Variants in VEPH1 observed in about 807,000 individuals in gnomAD.
VEPH1 encodes ventricular zone expressed PH domain containing 1.
VEPH1 carries 80 observed loss-of-function variants against 85.2 expected under a neutral mutation model. The ratio of observed to expected loss-of-function variants is 0.94; its 90% CI spans 0.78 to 1.13. The LOEUF is 1.13. Ranked by LOEUF, VEPH1 falls within the 50% of genes most tolerant of loss-of-function variation. The probability of loss-of-function intolerance (pLI) is 0.00; values close to 1 mark genes in which losing one functional copy is unlikely to be tolerated. For missense variants in VEPH1, 955 were observed against 980.5 expected (o/e 0.97, Z 0.35); for synonymous variants, 297 against 348.0 (o/e 0.85, Z 1.63).
chr3:157,358,633 G>A (rs900462243), intron 9 of VEPH1, among the ~76,000 whole-genome samples: 1 of 152,110 alleles, frequency 6.6e-6, no homozygotes, highest in Admixed American at 6.5e-5. Flanking sequence ...ACACTGAGGT[G>A]GACTTGACTA....
At chr3:157,460,438 T>C (rs71312209) in intron 3 of VEPH1, 83 bp from the exon 4 acceptor site, 88,698 of 1,476,480 alleles carry the variant, frequency 0.06, 3,112 homozygotes, top group Middle Eastern at 0.098. Flanking sequence ...AAAATATTTA[T>C]TGGATTAAGC....
At chr3:157,424,656 G>C (rs559955815) in intron 5 of VEPH1, among the ~76,000 whole-genome samples, 1 of 152,294 alleles carries the variant, frequency 6.6e-6, no homozygotes, top group African/African-American at 2.4e-5. Context: ...TTTTAGCAAA[G>C]AGACTGGTAG....
intron 12 of VEPH1, among the ~76,000 whole-genome samples, chr3:157,268,681 C>T (rs1350943315): frequency 6.6e-6 from 1 of 152,138 alleles, no homozygotes; most frequent in African/African-American, 2.4e-5. Context: ...AGGTAAATAG[C>T]AAAGCACAAG....
intron 11 of VEPH1, among the ~76,000 whole-genome samples, chr3:157,289,445 A>T (rs1295148376): frequency 1.3e-5 from 2 of 152,246 alleles, no homozygotes; most frequent in African/African-American, 2.4e-5. Context: ...GTGCTAAAGG[A>T]TATCCACGGT....
intron 2 of VEPH1, among the ~76,000 whole-genome samples, chr3:157,484,438 A>G (rs1019850723): frequency 2.0e-5 from 3 of 152,144 alleles, no homozygotes; most frequent in Non-Finnish European, 4.4e-5. Flanking sequence ...AGTAACTGGG[A>G]CTACAGGGAC....
chr3:157,289,950 T>C (rs1045239609), intron 11 of VEPH1, among the ~76,000 whole-genome samples: 1 of 152,138 alleles, frequency 6.6e-6, no homozygotes, highest in Non-Finnish European at 1.5e-5. Flanking sequence ...TCCCATTCCC[T>C]GTGTATGGGA....
At chr3:157,460,758 A>C (rs1013875566) in intron 3 of VEPH1, among the ~76,000 whole-genome samples, 1 of 152,208 alleles carries the variant, frequency 6.6e-6, no homozygotes, top group Non-Finnish European at 1.5e-5. Flanking sequence ...AAGAGTAGGT[A>C]TGCAGAGACT....
chr3:157,381,716 C>T (rs887687706), intron 6 of VEPH1: 9 of 204,466 alleles, frequency 4.4e-5, no homozygotes, highest in Non-Finnish European at 6.9e-5. Flanking sequence ...GAGACTCGGT[C>T]TCAGAAAAAA....
At chr3:157,291,962 T>C (rs936058764) in intron 11 of VEPH1, among the ~76,000 whole-genome samples, 18 of 152,248 alleles carry the variant, frequency 1.2e-4, no homozygotes, top group Non-Finnish European at 4.4e-5. Flanking sequence ...TATCTCTATA[T>C]ATCTGCATAT....
chr3:157,263,037 G>T (rs561385326), intron 13 of VEPH1, among the ~76,000 whole-genome samples: 117 of 152,316 alleles, frequency 7.7e-4, no homozygotes, highest in Non-Finnish European at 1.4e-3. Context: ...TAGCTAGTTT[G>T]TGGAGATCAA....
At chr3:157,405,971 A>G (rs1236091544) in intron 6 of VEPH1, among the ~76,000 whole-genome samples, 6 of 152,124 alleles carry the variant, frequency 3.9e-5, no homozygotes, top group Non-Finnish European at 8.8e-5. Flanking sequence ...ATGCAACATC[A>G]ATACTCTTAT....
At chr3:157,494,379 G>A (rs1352983187) in intron 2 of VEPH1, among the ~76,000 whole-genome samples, 1 of 152,206 alleles carries the variant, frequency 6.6e-6, no homozygotes, top group African/African-American at 2.4e-5. Flanking sequence ...GGATGTGGGT[G>A]GATGCCTGGT....
intron 12 of VEPH1, among the ~76,000 whole-genome samples, chr3:157,277,624 G>A (rs1715560061): frequency 6.6e-6 from 1 of 152,286 alleles, no homozygotes; most frequent in East Asian, 1.9e-4. Flanking sequence ...TATAATGTCT[G>A]CACTGGAAGC....
At chr3:157,261,456 C>A in intron 13 of VEPH1, 86 bp from the exon 14 acceptor site, 1 of 1,541,658 alleles carries the variant, frequency 6.5e-7, no homozygotes, top group Non-Finnish European at 8.7e-7. Context: ...CTAAGAGGGC[C>A]AGAATCCTTT....
At chr3:157,451,834 C>A (rs1056024305) in intron 4 of VEPH1, among the ~76,000 whole-genome samples, 2 of 152,090 alleles carry the variant, frequency 1.3e-5, no homozygotes, top group African/African-American at 4.8e-5. Flanking sequence ...GTGACAAGAA[C>A]CTTGGAAGAG....
chr3:157,286,652 T>C lies in VEPH1; in HGVS notation c.2033A>G (p.His678Arg). The C allele has an allele frequency of 6.2e-7, 1 of 1,614,092 alleles. No homozygotes were observed. Among genetic ancestry groups the C allele is most frequent in the Non-Finnish European group, 8.5e-7 (1 of 1,179,958 alleles). Residue 678 changes from histidine to arginine, a missense_variant, in exon 12 of 14, where the codon CAT becomes CGT. Physicochemically the swap from His to Arg is conservative, Grantham distance 29. Coordinates refer to ENST00000362010, the MANE Select transcript of VEPH1 (RefSeq NM_001167912.2). Reference protein sequence around the residue: ...QQKDLDQVQLHLEEVRFFDVF... With the variant: ...QQKDLDQVQLRLEEVRFFDVF... ...GTCAAAGAACCTCACTTCTTCCAGA[T>C]GGAGCTGTACCTGGTCCAGATCCTG...
At chr3:157,459,334 G>A (rs986522220) in intron 4 of VEPH1, among the ~76,000 whole-genome samples, 1 of 152,168 alleles carries the variant, frequency 6.6e-6, no homozygotes, top group African/African-American at 2.4e-5. Context: ...GGATTGGTCT[G>A]GATACCTTGG....
intron 5 of VEPH1, among the ~76,000 whole-genome samples, chr3:157,423,644 C>T (rs1237744412): frequency 1.3e-5 from 2 of 152,176 alleles, no homozygotes; most frequent in African/African-American, 4.8e-5. Flanking sequence ...GAATTCATTA[C>T]CCCCATCTCT....
At chr3:157,414,526 TAAATAA>T (rs894174305) in intron 5 of VEPH1, among the ~76,000 whole-genome samples, 1 of 152,170 alleles carries the variant, frequency 6.6e-6, no homozygotes, top group African/African-American at 2.4e-5. Context: ...AAATGTTTAA[TAAATAA>T]AAATAAGAAA....
Sources: gnomAD v4.1 joint callset for allele counts (sites outside exome capture counted in the v4.1 genomes callset) on GRCh38, gnomAD v4.1.1 for gene constraint, MANE v1.5 for transcripts, NCBI Gene and HGNC (gene_info 2026-07-23, HGNC 2026-07-21) for gene names.